The following IL31RA variants were observed in gnomAD, a reference collection of about 807,000 sequenced individuals.
IL31RA encodes interleukin-31 receptor subunit alpha.
IL31RA carries 66 observed loss-of-function variants against 83.7 expected under a neutral mutation model. The ratio of observed to expected loss-of-function variants is 0.79; its 90% confidence interval spans 0.65 to 0.97. The LOEUF (loss-of-function observed/expected upper bound fraction) is 0.97, where lower values mean the gene tolerates loss of function less well. Among genes scored for constraint, IL31RA ranks in the 50% least tolerant of loss-of-function variants. The pLI is 0.00. For missense variants in IL31RA, 798 were observed against 919.4 expected, an observed-to-expected ratio of 0.87 and a Z score of 1.71; for synonymous variants, 325 against 329.0, an observed-to-expected ratio of 0.99 and a Z score of 0.13.
intron 8 of IL31RA, among the ~76,000 whole-genome samples, chr5:55,905,517 T>A (rs1466422703): frequency 1.3e-5 from 2 of 152,250 alleles, no homozygotes; most frequent in Non-Finnish European, 2.9e-5. Context: ...CCAGATTATT[T>A]TGGCCAGTCC....
chr5:55,906,096 C>T lies in IL31RA; in HGVS notation c.1070-10C>T, dbSNP rs1304681828. The T allele has an allele frequency of 1.2e-6, 2 of 1,614,020 alleles. No homozygotes were observed. Among genetic ancestry groups the T allele is most frequent in the South Asian group, 1.1e-5 (1 of 91,076 alleles). ...GGTAGCTGTGAAGCAGTCCTTTTCT[C>T]TCCTTTCAGCATTTCAGTGCATTGA... is the stretch of plus-strand genomic sequence containing the variant. On this transcript the variant is annotated splice_polypyrimidine_tract_variant and intron_variant, in intron 8 of 14. Transcript: ENST00000652347.
upstream of IL31RA, among the ~76,000 whole-genome samples, chr5:55,847,243 A>G (rs141316020): frequency 1.0e-4 from 2 of 19,640 alleles, no homozygotes; most frequent in African/African-American, 2.1e-4. Context: ...AAAAAAAAAT[A>G]AAAATAAATA....
Position 55,868,833 on chromosome 5 carries a change from A to G in IL31RA, c.197A>G (p.Tyr66Cys), listed in dbSNP as rs373484982. The G allele has an allele frequency of 6.2e-7, 1 of 1,610,740 alleles. No individual in the cohort carries two copies. The change falls in exon 3 of 15, where the codon TAT becomes TGT. Residue 66 changes from tyrosine to cysteine, a missense_variant. By Grantham distance (194) the Tyr-to-Cys change is radical. Transcript: ENST00000652347. ...KPENISCVYY[Y>C]RKNLTCTWSP... ...GAGAACATTTCCTGTGTCTACTACT[A>G]TAGGAAAAATTTAACCTGCACTTGG...
intron 2 of IL31RA, among the ~76,000 whole-genome samples, chr5:55,864,934 C>T (rs1005498410): frequency 2.6e-5 from 4 of 152,134 alleles, no homozygotes; most frequent in Admixed American, 6.6e-5. Flanking sequence ...GCACTGTACA[C>T]GCACTGCCCT....
the IL31RA span, chr5:55,839,940 C>T: frequency 2.6e-5 from 17 of 665,824 alleles, no homozygotes; most frequent in African/African-American, 1.6e-4. Flanking sequence ...TCAGAAGAAA[C>T]GCTGCACTTC....
At chr5:55,857,235 A>G (rs1745415327) in intron 1 of IL31RA, among the ~76,000 whole-genome samples, 1 of 152,038 alleles carries the variant, frequency 6.6e-6, no homozygotes, top group African/African-American at 2.4e-5. Context: ...AATAGCTGAG[A>G]CTACAGGCAC....
At chr5:55,878,581 C>A (rs557506720) in intron 4 of IL31RA, among the ~76,000 whole-genome samples, 1 of 152,228 alleles carries the variant, frequency 6.6e-6, no homozygotes, top group East Asian at 1.9e-4. Context: ...CTTCTCAGTT[C>A]TTTTCTGAGT....
chr5:55,906,811 T>C (rs189012259), intron 9 of IL31RA, among the ~76,000 whole-genome samples: 2 of 152,168 alleles, frequency 1.3e-5, no homozygotes, highest in African/African-American at 4.8e-5. Context: ...AAGGATGGAG[T>C]GCAGTGGCAC....
chr5:55,876,638 C>G (rs1466436026), intron 4 of IL31RA, among the ~76,000 whole-genome samples: 1 of 152,136 alleles, frequency 6.6e-6, no homozygotes. Flanking sequence ...GCCCACCCTG[C>G]TCTCTTTTGT....
chr5:55,887,709 AC>A (rs1387150508), intron 5 of IL31RA, among the ~76,000 whole-genome samples: 1 of 151,954 alleles, frequency 6.6e-6, no homozygotes, highest in East Asian at 1.9e-4. Flanking sequence ...ACACGGTGAA[AC>A]CCCGTCCCTC....
intron 13 of IL31RA, 134 bp from the exon 14 acceptor site, chr5:55,914,713 A>G (rs1371899968): frequency 2.7e-6 from 2 of 742,988 alleles, no homozygotes. Context: ...CCCAGGTTCT[A>G]TTAGGCAGAC....
At chr5:55,906,524 A>G (rs1749170396) in intron 9 of IL31RA, among the ~76,000 whole-genome samples, 1 of 152,168 alleles carries the variant, frequency 6.6e-6, no homozygotes, top group South Asian at 2.1e-4. Flanking sequence ...GGAAAACACC[A>G]TCTTAACACC....
intron 11 of IL31RA, chr5:55,908,844 A>C: frequency 1.5e-6 from 2 of 1,354,584 alleles, no homozygotes; most frequent in Non-Finnish European, 1.9e-6. Flanking sequence ...ATACTGGGCA[A>C]GGCTTGGATT....
chr5:55,921,788 A>G lies in IL31RA; in HGVS notation c.*4668A>G, dbSNP rs889885963. Among the ~76,000 whole-genome samples, 8 of 152,244 alleles carry G rather than the reference A, an allele frequency of 5.3e-5. No individual in the cohort carries two copies. The highest frequency in any genetic ancestry group is 5.2e-4 in the Admixed American group (8 of 15,300). Reference sequence around the variant, plus strand: ...CATGTCCCTGTGTTGACATTACAGAATGTTCTCTGCCTCCGTGCTCCTGGG... The same window carrying G: ...CATGTCCCTGTGTTGACATTACAGAGTGTTCTCTGCCTCCGTGCTCCTGGG... On this transcript the variant is annotated 3_prime_UTR_variant, in exon 15 of 15. Coordinates refer to ENST00000652347, the MANE Select transcript of IL31RA (RefSeq NM_139017.7).
rs146377663 is a variant in IL31RA, at chr5:55,916,287, G to A, written c.1819-357G>A. On this transcript the variant is annotated intron_variant, in intron 14 of 14. Transcript: ENST00000652347. The stretch of plus-strand genomic sequence containing the variant: ...CCCTGCTACTCAGGAAGCTGAGGGG[G>A]AAGAATTACCTGAGGCTGAGAAGTT... Among the ~76,000 whole-genome samples, 768 of 151,760 alleles carry A rather than the reference G, an allele frequency of 5.1e-3. 10 individuals are homozygous for A. The highest frequency in any genetic ancestry group is 0.018 in the African/African-American group (743 of 41,362).
rs549881882 is a variant in IL31RA at position 55,918,419 on chromosome 5, T to C, written c.*1299T>C. ...TTACTTTCCTAAAACTAAAATTAAT[T>C]GCCAGCCTGAGACCTGACACTTCAA... On this transcript the variant is annotated 3_prime_UTR_variant, in exon 15 of 15. Coordinates refer to ENST00000652347, the MANE Select transcript of IL31RA (RefSeq NM_139017.7). Among the ~76,000 whole-genome samples the C allele has an allele frequency of 6.6e-6, 1 of 152,262 alleles. No homozygotes were observed. Among genetic ancestry groups the C allele is most frequent in the South Asian group, 2.1e-4 (1 of 4,822 alleles).
intron 4 of IL31RA, among the ~76,000 whole-genome samples, chr5:55,873,533 T>C (rs1436775542): frequency 6.6e-6 from 1 of 152,164 alleles, no homozygotes; most frequent in East Asian, 1.9e-4. Context: ...TTATAAAGGT[T>C]ACAATTTCTG....
At chr5:55,869,484 T>C (rs1009446279) in intron 3 of IL31RA, among the ~76,000 whole-genome samples, 2 of 150,116 alleles carry the variant, frequency 1.3e-5, no homozygotes, top group Admixed American at 1.3e-4. Flanking sequence ...AAAAAAAAAC[T>C]TTTTTTTGAG....
At chr5:55,914,109 G>T (rs1330809516) in intron 13 of IL31RA, among the ~76,000 whole-genome samples, 1 of 152,150 alleles carries the variant, frequency 6.6e-6, no homozygotes, top group Non-Finnish European at 1.5e-5. Flanking sequence ...ATGTCTTCAG[G>T]GTCTTAGACT....
Sources: gnomAD v4.1 joint callset for allele counts (sites outside exome capture counted in the v4.1 genomes callset) on GRCh38, gnomAD v4.1.1 for gene constraint, MANE v1.5 for transcripts, NCBI Gene and HGNC (gene_info 2026-07-23, HGNC 2026-07-21) for gene names.